The following LHFPL3 variants were observed in gnomAD, a reference collection of about 807,000 sequenced individuals.
LHFPL3 encodes the protein LHFPL tetraspan subfamily member 3 protein.
LHFPL3 carries 5 observed loss-of-function variants against 19.3 expected under a neutral mutation model. The observed-to-expected ratio is 0.26, with a 90% confidence interval of 0.14 to 0.54. LHFPL3 has a LOEUF of 0.54. Among genes scored for constraint, LHFPL3 ranks in the 20% least tolerant of loss-of-function variants. The pLI, the probability that LHFPL3 is intolerant of heterozygous loss-of-function variation, is 0.94. For missense variants in LHFPL3, 249 were observed against 307.4 expected (o/e 0.81, Z 1.42); for synonymous variants, 133 against 126.2 (o/e 1.05, Z -0.36).
intron 1 of LHFPL3, among the ~76,000 whole-genome samples, chr7:104,715,089 C>T (rs1793362971): frequency 6.6e-6 from 1 of 151,988 alleles, no homozygotes; most frequent in East Asian, 1.9e-4. Flanking sequence ...ATAGCTTGAG[C>T]CCAGAAGTTC....
intron 1 of LHFPL3, among the ~76,000 whole-genome samples, chr7:104,469,700 C>G (rs183083461): frequency 6.6e-6 from 1 of 152,102 alleles, no homozygotes; most frequent in Non-Finnish European, 1.5e-5. Context: ...TGGTAGAATT[C>G]TGTTTCCGAA....
At chr7:104,667,142 C>T (rs552062203) in intron 1 of LHFPL3, among the ~76,000 whole-genome samples, 195 of 152,198 alleles carry the variant, frequency 1.3e-3, no homozygotes, top group Middle Eastern at 3.4e-3. Context: ...TTCTCTGCAT[C>T]CTCACCAGCA....
chr7:104,713,635 G>C (rs989165593), intron 1 of LHFPL3, among the ~76,000 whole-genome samples: 1 of 152,102 alleles, frequency 6.6e-6, no homozygotes, highest in African/African-American at 2.4e-5. Context: ...TGAGATTTGC[G>C]TGGGGAGGAC....
At chr7:104,518,804 TA>T (rs1228677117) in intron 1 of LHFPL3, among the ~76,000 whole-genome samples, 1 of 132,172 alleles carries the variant, frequency 7.6e-6, no homozygotes, top group East Asian at 2.2e-4. Flanking sequence ...AGATGATAGA[TA>T]GATAGATAGA....
chr7:104,827,915 T>C (rs1189554094), intron 2 of LHFPL3, among the ~76,000 whole-genome samples: 1 of 151,890 alleles, frequency 6.6e-6, no homozygotes, highest in Non-Finnish European at 1.5e-5. Flanking sequence ...TTCCAGACCA[T>C]AGCCCTTTGC....
At chr7:104,509,503 A>G (rs547916836) in intron 1 of LHFPL3, among the ~76,000 whole-genome samples, 2 of 152,246 alleles carry the variant, frequency 1.3e-5, no homozygotes, top group African/African-American at 4.8e-5. Flanking sequence ...ATCAATAGCT[A>G]TAGAAAAAGC....
At chr7:104,445,638 A>G (rs2116590265) in intron 1 of LHFPL3, among the ~76,000 whole-genome samples, 1 of 152,378 alleles carries the variant, frequency 6.6e-6, no homozygotes, top group East Asian at 1.9e-4. Flanking sequence ...GAAGTAAGAT[A>G]CAAAAAGGCC....
chr7:104,373,821 A>G (rs2116436770), intron 1 of LHFPL3, among the ~76,000 whole-genome samples: 1 of 152,314 alleles, frequency 6.6e-6, no homozygotes, highest in South Asian at 2.1e-4. Context: ...AGGGCCTGGA[A>G]GAAAAAGATC....
At chr7:104,478,045 A>G (rs1194800680) in intron 1 of LHFPL3, among the ~76,000 whole-genome samples, 1 of 152,254 alleles carries the variant, frequency 6.6e-6, no homozygotes, top group Non-Finnish European at 1.5e-5. Flanking sequence ...AACAATAAGC[A>G]TTAAAATGTT....
intron 1 of LHFPL3, among the ~76,000 whole-genome samples, chr7:104,576,777 A>T (rs1214174683): frequency 9.9e-5 from 15 of 152,180 alleles, no homozygotes; most frequent in Non-Finnish European, 2.1e-4. Flanking sequence ...CAAACAAGTT[A>T]TGGCTATAAA....
intron 1 of LHFPL3, among the ~76,000 whole-genome samples, chr7:104,383,773 C>G (rs1045119898): frequency 3.9e-5 from 6 of 151,994 alleles, no homozygotes; most frequent in African/African-American, 1.5e-4. Context: ...AGAAATAGTG[C>G]TTTTTTCTTC....
intron 1 of LHFPL3, among the ~76,000 whole-genome samples, chr7:104,575,977 T>C (rs1231608587): frequency 6.6e-6 from 1 of 152,120 alleles, no homozygotes; most frequent in Non-Finnish European, 1.5e-5. Flanking sequence ...TTCCATCTGT[T>C]TAATATGTCC....
chr7:104,517,152 G>T (rs1332315053), intron 1 of LHFPL3, among the ~76,000 whole-genome samples: 1 of 152,054 alleles, frequency 6.6e-6, no homozygotes, highest in Non-Finnish European at 1.5e-5. Flanking sequence ...GAGGGTGGAG[G>T]GTGGGAGGAG....
intron 2 of LHFPL3, chr7:104,739,020 G>A (rs531932355): frequency 1.3e-5 from 2 of 152,238 alleles, no homozygotes; most frequent in South Asian, 4.2e-4. Context: ...AAAGCAGTGG[G>A]ATCATCAGGC....
intron 1 of LHFPL3, among the ~76,000 whole-genome samples, chr7:104,458,074 A>C (rs983301812): frequency 4.0e-5 from 6 of 150,840 alleles, no homozygotes; most frequent in South Asian, 2.1e-4. Context: ...TTGCCTGTTC[A>C]CTCTGATGGT....
chr7:104,493,584 T>C (rs1793400005), intron 1 of LHFPL3, among the ~76,000 whole-genome samples: 3 of 152,214 alleles, frequency 2.0e-5, no homozygotes, highest in Admixed American at 1.3e-4. Flanking sequence ...TTGCTGGGCC[T>C]GCTGATGGCC....
intron 1 of LHFPL3, among the ~76,000 whole-genome samples, chr7:104,456,587 T>C (rs745685822): frequency 6.6e-6 from 1 of 152,222 alleles, no homozygotes; most frequent in African/African-American, 2.4e-5. Flanking sequence ...GTATATGATA[T>C]TTTTCTTTCC....
At chr7:104,899,288 C>T (rs1792435874) in intron 2 of LHFPL3, among the ~76,000 whole-genome samples, 1 of 151,992 alleles carries the variant, frequency 6.6e-6, no homozygotes, top group Non-Finnish European at 1.5e-5. Flanking sequence ...TCTAGAGTTA[C>T]CCAGCTGGTA....
intron 1 of LHFPL3, among the ~76,000 whole-genome samples, chr7:104,555,553 C>G (rs754603522): frequency 6.6e-6 from 1 of 152,166 alleles, no homozygotes; most frequent in Non-Finnish European, 1.5e-5. Flanking sequence ...AGGAAAGACC[C>G]GCCCCCAAAA....
Sources: allele counts gnomAD v4.1 joint callset (sites outside exome capture counted in the v4.1 genomes callset), GRCh38; gene constraint gnomAD v4.1.1; transcripts MANE v1.5; gene names NCBI Gene and HGNC (gene_info 2026-07-23, HGNC 2026-07-21).